The following NECAB1 variants were observed in gnomAD, a reference collection of about 807,000 sequenced individuals.
NECAB1 encodes the protein N-terminal EF-hand calcium binding protein 1, also known as N-terminal EF-hand calcium-binding protein 1.
In NECAB1, 29 loss-of-function variants were observed where a neutral mutation model predicts 57.5. The observed-to-expected ratio is 0.50, with a 90% CI of 0.38 to 0.69. NECAB1 has a LOEUF of 0.69. Among genes scored for constraint, NECAB1 ranks in the 30% least tolerant of loss-of-function variants. The pLI is 0.00. For synonymous variants in NECAB1, 142 were observed against 147.7 expected (o/e 0.96, Z 0.28); for missense variants, 372 against 413.8 (o/e 0.90, Z 0.88).
chr8:90,869,018 G>A (rs1808569459), intron 3 of NECAB1, among the ~76,000 whole-genome samples: 1 of 152,214 alleles, frequency 6.6e-6, no homozygotes, highest in South Asian at 2.1e-4. Flanking sequence ...CTGCATCTTG[G>A]CCGCAGCTGC....
At chr8:90,829,522 G>A (rs546654267) in intron 3 of NECAB1, among the ~76,000 whole-genome samples, 13 of 152,118 alleles carry the variant, frequency 8.5e-5, no homozygotes, top group African/African-American at 9.6e-5. Flanking sequence ...CCAGATGGAC[G>A]TTTCACTTCT....
chr8:90,819,488 T>C (rs1166518534), intron 2 of NECAB1, among the ~76,000 whole-genome samples: 1 of 151,954 alleles, frequency 6.6e-6, no homozygotes, highest in African/African-American at 2.4e-5. Flanking sequence ...GCTCTAGTGG[T>C]AGGGCCAGAA....
At chr8:90,843,757 T>G (rs1404099958) in intron 3 of NECAB1, among the ~76,000 whole-genome samples, 1 of 152,236 alleles carries the variant, frequency 6.6e-6, no homozygotes, top group Non-Finnish European at 1.5e-5. Context: ...GTACTTCCTT[T>G]TAAGCTGGAT....
At chr8:90,837,428 TG>T (rs2129735874) in intron 3 of NECAB1, among the ~76,000 whole-genome samples, 1 of 152,342 alleles carries the variant, frequency 6.6e-6, no homozygotes, top group East Asian at 1.9e-4. Flanking sequence ...GTTTGCATCC[TG>T]GGTGCAACTG....
At chr8:90,877,709 T>C (rs1808753957) in intron 4 of NECAB1, among the ~76,000 whole-genome samples, 1 of 152,164 alleles carries the variant, frequency 6.6e-6, no homozygotes, top group African/African-American at 2.4e-5. Context: ...CTGATGCAGG[T>C]GGTCAAAAAC....
In NECAB1 at chr8:90,803,111, A is replaced by G. The variant is rs1042826870; in HGVS notation, c.124+1396A>G. Among the ~76,000 whole-genome samples, 13 of 152,136 alleles carry G rather than the reference A, an allele frequency of 8.5e-5. No individual in the cohort carries two copies. The South Asian group carries it at 2.1e-3, about 24-fold the overall frequency. The stretch of plus-strand genomic sequence containing the variant: ...AGTGTTTCACCATGTTGGCCAGGCT[A>G]GTCTCAAACTCCTGACCTCAAGTGA... On this transcript the variant is annotated intron_variant, in intron 2 of 12. Coordinates refer to ENST00000417640, the MANE Select transcript of NECAB1 (RefSeq NM_022351.5).
At chr8:90,823,997 T>G (rs1812186573) in intron 2 of NECAB1, among the ~76,000 whole-genome samples, 1 of 150,590 alleles carries the variant, frequency 6.6e-6, no homozygotes, top group South Asian at 2.1e-4. Context: ...CAGGGGTGAA[T>G]GCTACTAAAA....
At chr8:90,955,063 A>C (rs540607763) in intron 12 of NECAB1, among the ~76,000 whole-genome samples, 302 of 141,062 alleles carry the variant, frequency 2.1e-3, no homozygotes, top group African/African-American at 7.4e-3. Flanking sequence ...ATATGTATAA[A>C]TATATGGTAT....
At chr8:90,930,488 T>C (rs1405957211) in intron 8 of NECAB1, among the ~76,000 whole-genome samples, 2 of 152,118 alleles carry the variant, frequency 1.3e-5, no homozygotes, top group African/African-American at 4.8e-5. Context: ...CCTAGTTAGA[T>C]GTTAGAAGGA....
At chr8:90,823,772 G>A (rs1812183131) in intron 2 of NECAB1, among the ~76,000 whole-genome samples, 1 of 151,824 alleles carries the variant, frequency 6.6e-6, no homozygotes, top group South Asian at 2.1e-4. Flanking sequence ...CATTGTAGAT[G>A]GAAGGGATCT....
chr8:90,805,219 T>A lies in NECAB1; in HGVS notation c.124+3504T>A, dbSNP rs111909682. Among the ~76,000 whole-genome samples the A allele has an allele frequency of 1.8e-4, 28 of 152,380 alleles. 1 individual carries two copies. The highest frequency in any genetic ancestry group is 6.5e-4 in the African/African-American group (27 of 41,604). Reference sequence around the variant, plus strand: ...AGCATCCTTCTGTACCATGTGTTCATGGCATTCTGTATTTGCAAATAGACA... The same window carrying A: ...AGCATCCTTCTGTACCATGTGTTCAAGGCATTCTGTATTTGCAAATAGACA... On this transcript the variant is annotated intron_variant, in intron 2 of 12. Transcript: ENST00000417640.
At chr8:90,800,715 G>C (rs1435552339) in intron 1 of NECAB1, among the ~76,000 whole-genome samples, 1 of 152,148 alleles carries the variant, frequency 6.6e-6, no homozygotes, top group African/African-American at 2.4e-5. Context: ...TAGGTTCAAA[G>C]TCAGCAGAAA....
chr8:90,957,295 G>T lies in NECAB1; in HGVS notation c.*1783G>T, dbSNP rs1031847730. 6.6e-6 allele frequency: 1 copy of T among 151,856 alleles called. No homozygotes were observed. The highest frequency in any genetic ancestry group is 6.6e-5 in the Admixed American group (1 of 15,198). The allele number at this position is 151,856 out of a possible 1,614,324, so 9.4% of individuals were successfully genotyped here. The stretch of plus-strand genomic sequence containing the variant: ...TATAGCCAATCAAAACATTGCTTTG[G>T]TTGGTGCATTTAAGTATCCAACTCA... On this transcript the variant is annotated 3_prime_UTR_variant, in exon 13 of 13. Coordinates refer to ENST00000417640, the MANE Select transcript of NECAB1 (RefSeq NM_022351.5).
chr8:90,900,991 G>A (rs955247246), intron 5 of NECAB1, among the ~76,000 whole-genome samples: 1 of 152,090 alleles, frequency 6.6e-6, no homozygotes, highest in African/African-American at 2.4e-5. Context: ...ATAGACTGAG[G>A]CAGAGTGAAG....
At position 90,951,347 on chromosome 8, in the gene NECAB1, T is replaced by C. The variant is rs73298083; in HGVS notation, c.1030+143T>C. 3,997 of 537,866 alleles carry C rather than the reference T, an allele frequency of 7.4e-3. 152 individuals are homozygous for C. Among genetic ancestry groups the C allele is most frequent in the African/African-American group, 0.073 (3,608 of 49,690 alleles). 33.3% of individuals were successfully genotyped at this position (537,866 alleles called of 1,614,324 possible). On this transcript the variant is annotated intron_variant, in intron 12 of 12. Coordinates refer to ENST00000417640, the MANE Select transcript of NECAB1 (RefSeq NM_022351.5). ...TCTTTATATATTTTATGATTTGAGA[T>C]TGGGGGGAAGAAATAAAAGATCTAT...
At position 90,959,063 on chromosome 8, in the gene NECAB1, T is replaced by C. The variant is rs1434413969; in HGVS notation, c.*3551T>C. On this transcript the variant is annotated 3_prime_UTR_variant, in exon 13 of 13. Transcript: ENST00000417640. Reference sequence around the variant, plus strand: ...ATAAAAGAAAAAGTTAATTTATCAATTGATTGAATACAGTTTTTACTAATT... The same window carrying C: ...ATAAAAGAAAAAGTTAATTTATCAACTGATTGAATACAGTTTTTACTAATT... The C allele has an allele frequency of 9.7e-7, 1 of 1,031,964 alleles. No homozygotes were observed. Among genetic ancestry groups the C allele is most frequent in the Non-Finnish European group, 1.4e-6 (1 of 713,572 alleles). The allele number at this position is 1,031,964 out of a possible 1,614,324, so 63.9% of individuals were successfully genotyped here.
chr8:90,941,425 C>T (rs921048637), intron 10 of NECAB1, among the ~76,000 whole-genome samples: 1 of 152,222 alleles, frequency 6.6e-6, no homozygotes, highest in African/African-American at 2.4e-5. Context: ...TTCCTCTTTC[C>T]ATGGGTACCA....
At chr8:90,875,972 T>C (rs1233403955) in intron 4 of NECAB1, among the ~76,000 whole-genome samples, 1 of 151,852 alleles carries the variant, frequency 6.6e-6, no homozygotes, top group Non-Finnish European at 1.5e-5. Flanking sequence ...ATCAGGCCAC[T>C]GCACTCCAGC....
rs572964781 is a variant in NECAB1, at chr8:90,814,663, T to C, written c.125-10054T>C. ...CCTCTTTGGCCATTGGGAGCTCTTTTAGTTGACTACTGTGTTCCTTTGACA... is the reference window on the plus strand; with the variant it reads ...CCTCTTTGGCCATTGGGAGCTCTTTCAGTTGACTACTGTGTTCCTTTGACA... On this transcript the variant is annotated intron_variant, in intron 2 of 12. Coordinates refer to ENST00000417640, the MANE Select transcript of NECAB1 (RefSeq NM_022351.5). Among the ~76,000 whole-genome samples, 153 of 152,290 alleles carry C rather than the reference T, an allele frequency of 1.0e-3. 1 individual carries two copies. Among genetic ancestry groups the C allele is most frequent in the African/African-American group, 3.5e-3 (147 of 41,566 alleles).
Sources: allele counts gnomAD v4.1 joint callset (sites outside exome capture counted in the v4.1 genomes callset), GRCh38; gene constraint gnomAD v4.1.1; transcripts MANE v1.5; gene names NCBI Gene and HGNC (gene_info 2026-07-23, HGNC 2026-07-21).